The following CHN1 variants were observed in gnomAD, a reference collection of about 807,000 sequenced individuals.
CHN1 encodes the protein N-chimaerin.
CHN1 carries 37 observed loss-of-function variants against 59.5 expected under a neutral mutation model. The ratio of observed to expected loss-of-function variants is 0.62; its 90% CI spans 0.48 to 0.82. The LOEUF (loss-of-function observed/expected upper bound fraction) is 0.82, where lower values mean the gene tolerates loss of function less well. Ranked by LOEUF, CHN1 falls within the 40% of genes least tolerant of loss-of-function variation. The pLI is 0.00. For missense variants in CHN1, 469 were observed against 571.0 expected, an observed-to-expected ratio of 0.82 and a Z score of 1.82; for synonymous variants, 206 against 200.4, an observed-to-expected ratio of 1.03 and a Z score of -0.24.
chr2:174,799,404 T>C lies in CHN1; in HGVS notation c.*712A>G, dbSNP rs1336588047. 2.3e-6 allele frequency: 1 copy of C among 440,412 alleles called. No homozygotes were observed. The highest frequency in any genetic ancestry group is 4.3e-6 in the Non-Finnish European group (1 of 232,298). The allele number at this position is 440,412 out of a possible 1,614,324, so 27.3% of individuals were successfully genotyped here. ...AAGTAAGCTATCAATATTTTTTATT[T>C]CTAAAAGCCAATTTAATAAATTAAT... On this transcript the variant is annotated 3_prime_UTR_variant, in exon 13 of 13. Coordinates refer to ENST00000409900, the MANE Select transcript of CHN1 (RefSeq NM_001822.7).
At chr2:174,956,908 C>G (rs2105419821) in intron 1 of CHN1, among the ~76,000 whole-genome samples, 1 of 152,270 alleles carries the variant, frequency 6.6e-6, no homozygotes. Flanking sequence ...CTGAATTTAG[C>G]AGCAAATACT....
At chr2:174,899,561 A>C (rs1261531501) in intron 5 of CHN1, among the ~76,000 whole-genome samples, 1 of 152,246 alleles carries the variant, frequency 6.6e-6, no homozygotes, top group Non-Finnish European at 1.5e-5. Context: ...TTAAATGGCT[A>C]CACAAGCATC....
intron 7 of CHN1, among the ~76,000 whole-genome samples, chr2:174,829,371 A>G (rs1685793319): frequency 6.6e-6 from 1 of 152,370 alleles, no homozygotes; most frequent in Non-Finnish European, 1.5e-5. Flanking sequence ...CTCCTGGGCA[A>G]TGACTTAGAT....
intron 2 of CHN1, among the ~76,000 whole-genome samples, chr2:174,951,022 G>T (rs924376783): frequency 6.6e-6 from 1 of 151,936 alleles, no homozygotes; most frequent in African/African-American, 2.4e-5. Flanking sequence ...CAGGCAATCC[G>T]CCTGCCTCTG....
At chr2:174,861,710 G>T (rs1687073867) in intron 6 of CHN1, among the ~76,000 whole-genome samples, 1 of 152,154 alleles carries the variant, frequency 6.6e-6, no homozygotes, top group Non-Finnish European at 1.5e-5. Flanking sequence ...GATAACATAG[G>T]TATCTTAGCA....
intron 6 of CHN1, among the ~76,000 whole-genome samples, chr2:174,868,141 A>G (rs1278140468): frequency 1.3e-5 from 2 of 152,180 alleles, no homozygotes; most frequent in African/African-American, 4.8e-5. Flanking sequence ...AATACTTGGA[A>G]AAATATCTTA....
intron 1 of CHN1, among the ~76,000 whole-genome samples, chr2:174,993,806 T>C (rs1691625331): frequency 6.6e-6 from 1 of 152,156 alleles, no homozygotes. Context: ...AAATTCTTCC[T>C]AGAAAAACAA....
chr2:174,913,578 T>C (rs911952412), intron 5 of CHN1, among the ~76,000 whole-genome samples: 1 of 152,108 alleles, frequency 6.6e-6, no homozygotes, highest in African/African-American at 2.4e-5. Context: ...AACAGTATAA[T>C]TAAGTAATTG....
At chr2:174,853,642 C>G (rs908035034) in intron 6 of CHN1, among the ~76,000 whole-genome samples, 10 of 152,158 alleles carry the variant, frequency 6.6e-5, no homozygotes, top group Admixed American at 5.2e-4. Flanking sequence ...AAGACACATG[C>G]ACTTCCATGT....
intron 4 of CHN1, chr2:174,915,391 CCAAT>C: frequency 4.2e-6 from 2 of 473,462 alleles, no homozygotes; most frequent in South Asian, 7.3e-5. Flanking sequence ...AAAGTACTAC[CCAAT>C]CCAGTTAACA....
chr2:174,993,291 G>A (rs541538655), intron 1 of CHN1, among the ~76,000 whole-genome samples: 9 of 151,456 alleles, frequency 5.9e-5, no homozygotes, highest in East Asian at 5.8e-4. Context: ...TGTTATATTC[G>A]GAATTGAGTC....
At chr2:174,966,883 G>T (rs1574223169) in intron 1 of CHN1, among the ~76,000 whole-genome samples, 1 of 152,230 alleles carries the variant, frequency 6.6e-6, no homozygotes, top group East Asian at 1.9e-4. Context: ...TCCTCTCAAT[G>T]ATATCTCAGC....
intron 11 of CHN1, among the ~76,000 whole-genome samples, chr2:174,807,517 T>C (rs1684935909): frequency 6.7e-6 from 1 of 148,198 alleles, no homozygotes; most frequent in African/African-American, 2.5e-5. Flanking sequence ...TGTGTGTTGC[T>C]TTCTAGATGA....
At chr2:174,896,444 C>T (rs551700203) in intron 5 of CHN1, among the ~76,000 whole-genome samples, 71 of 152,230 alleles carry the variant, frequency 4.7e-4, no homozygotes, top group Non-Finnish European at 8.1e-4. Context: ...AATTAAATCA[C>T]GGTTTTCTAA....
intron 11 of CHN1, among the ~76,000 whole-genome samples, chr2:174,806,976 A>T (rs1455806410): frequency 3.3e-5 from 5 of 152,234 alleles, no homozygotes; most frequent in African/African-American, 1.2e-4. Flanking sequence ...AACTGAAATT[A>T]TAAGGAGAAA....
chr2:174,931,763 A>G (rs1423144587), intron 3 of CHN1, among the ~76,000 whole-genome samples: 41 of 152,250 alleles, frequency 2.7e-4, no homozygotes, highest in Admixed American at 2.7e-3. Context: ...TAGTGGTCAC[A>G]ATGGGCCTCG....
intron 1 of CHN1, among the ~76,000 whole-genome samples, chr2:174,980,291 GAA>G (rs1363843733): frequency 6.6e-6 from 1 of 151,958 alleles, no homozygotes; most frequent in African/African-American, 2.4e-5. Flanking sequence ...TTGTTTACTT[GAA>G]AACAAAATAC....
rs1371835511 is a variant in CHN1 at position 174,811,508 on chromosome 2, T to C, written c.964+3A>G. 1 of 1,602,200 alleles carries C rather than the reference T, an allele frequency of 6.2e-7. No individual in the cohort carries two copies. The highest frequency in any genetic ancestry group is 1.7e-4 in the Middle Eastern group (1 of 6,040). On this transcript the variant is annotated splice_donor_region_variant and intron_variant, in intron 10 of 12. Transcript: ENST00000409900. ...AAGTTATGGAACATTGTGAAAAACA[T>C]ACCTCTGTCGAAAGCCATCTTGACA...
intron 1 of CHN1, among the ~76,000 whole-genome samples, chr2:174,984,584 G>T (rs1691276252): frequency 2.0e-5 from 3 of 152,014 alleles, no homozygotes; most frequent in Admixed American, 6.5e-5. Context: ...GGCCAGGATG[G>T]TCTCGATCCC....
Sources: gnomAD v4.1 joint callset for allele counts (sites outside exome capture counted in the v4.1 genomes callset) on GRCh38, gnomAD v4.1.1 for gene constraint, MANE v1.5 for transcripts, NCBI Gene and HGNC (gene_info 2026-07-23, HGNC 2026-07-21) for gene names.